SCMH1: variants seen among roughly 807,000 people sequenced by gnomAD.
The protein encoded by SCMH1 is polycomb protein SCMH1.
In SCMH1, 37 loss-of-function variants were observed where a neutral mutation model predicts 70.8. That is an observed-to-expected ratio of 0.52 (90% confidence interval 0.40 to 0.69). The LOEUF (loss-of-function observed/expected upper bound fraction) is 0.69, where lower values mean the gene tolerates loss of function less well. SCMH1 is among the 30% of genes least tolerant of loss of function. The pLI, the probability that SCMH1 is intolerant of heterozygous loss-of-function variation, is 0.00. For missense variants in SCMH1, 607 were observed against 827.3 expected (o/e 0.73, Z 3.27); for synonymous variants, 292 against 307.4 (o/e 0.95, Z 0.52).
At chr1:41,120,951 T>G (rs1671784069) in intron 6 of SCMH1, among the ~76,000 whole-genome samples, 1 of 152,244 alleles carries the variant, frequency 6.6e-6, no homozygotes, top group Non-Finnish European at 1.5e-5. Flanking sequence ...GCCAGCTCCT[T>G]GTGCTAAGCA....
chr1:41,235,055 A>G (rs1662083523), intron 1 of SCMH1, among the ~76,000 whole-genome samples: 1 of 152,158 alleles, frequency 6.6e-6, no homozygotes, highest in Non-Finnish European at 1.5e-5. Flanking sequence ...CTGGACTTAC[A>G]GGTGTGAGTT....
In SCMH1 at chr1:41,113,432, A is replaced by G. The variant is rs1234345836; in HGVS notation, c.596T>C (p.Ile199Thr). The G allele has an allele frequency of 5.0e-6, 8 of 1,614,002 alleles. No individual in the cohort carries two copies. The highest frequency in any genetic ancestry group is 2.2e-5 in the East Asian group (1 of 44,854). ...CACCTCTGAGCCCCGAACCTCCCCA[A>G]TAGTGGCTGGGCAAATGAAATGAGG... Residue 199 changes from isoleucine to threonine, a missense_variant, in exon 8 of 15, where the codon ATT becomes ACT. Physicochemically the swap from Ile to Thr is moderately conservative, Grantham distance 89. Coordinates refer to ENST00000337495, the Ensembl canonical transcript of SCMH1. The surrounding 1 kb of genome is among the most constrained non-coding windows in gnomAD (Gnocchi z 4.3).
intron 10 of SCMH1, among the ~76,000 whole-genome samples, chr1:41,052,140 G>A (rs75558225): frequency 0.056 from 8,592 of 152,288 alleles, 288 homozygotes; most frequent in Non-Finnish European, 0.069. Context: ...TAGCCTAGGA[G>A]CAATGGGCTA....
At chr1:41,150,025 A>AT (rs540481702) in intron 5 of SCMH1, among the ~76,000 whole-genome samples, 22 of 147,800 alleles carry the variant, frequency 1.5e-4, no homozygotes, top group East Asian at 5.9e-4. Flanking sequence ...CTGGACTCAC[A>AT]TTTTTTTTTT....
chr1:41,033,135 TTAGC>T (rs970125794), intron 13 of SCMH1, among the ~76,000 whole-genome samples: 2 of 151,802 alleles, frequency 1.3e-5, no homozygotes, highest in African/African-American at 4.8e-5. Flanking sequence ...CTGCAAAAAA[TTAGC>T]TAGGTGTGGT....
chr1:41,108,973 A>AT (rs1192470502), intron 8 of SCMH1, among the ~76,000 whole-genome samples: 1 of 152,052 alleles, frequency 6.6e-6, no homozygotes, highest in Non-Finnish European at 1.5e-5. Flanking sequence ...TTTCTTTCCT[A>AT]TTTTTTATCA....
intron 2 of SCMH1, among the ~76,000 whole-genome samples, chr1:41,178,112 C>T (rs879418096): frequency 1.4e-4 from 21 of 152,276 alleles, no homozygotes; most frequent in Non-Finnish European, 2.2e-4. Context: ...GAATTTTCAA[C>T]GCAGAATTTC....
chr1:41,052,929 T>TTC (rs1251489814), intron 10 of SCMH1, among the ~76,000 whole-genome samples: 2 of 150,148 alleles, frequency 1.3e-5, no homozygotes, highest in East Asian at 3.9e-4. Context: ...TTTTTTTTTT[T>TTC]TTTCTTGAGA....
chr1:41,054,414 C>T (rs1649459480), intron 10 of SCMH1, among the ~76,000 whole-genome samples: 1 of 152,164 alleles, frequency 6.6e-6, no homozygotes, highest in South Asian at 2.1e-4. Flanking sequence ...CCTCCACATA[C>T]CCCCAGGACT....
intron 8 of SCMH1, among the ~76,000 whole-genome samples, chr1:41,079,580 A>G (rs889422314): frequency 2.6e-5 from 4 of 152,210 alleles, no homozygotes; most frequent in Non-Finnish European, 5.9e-5. Context: ...TCATAGATCC[A>G]TCAGACATTG....
At chr1:41,220,950 GATTA>G (rs1448514328) in intron 1 of SCMH1, among the ~76,000 whole-genome samples, 3 of 151,918 alleles carry the variant, frequency 2.0e-5, no homozygotes, top group Non-Finnish European at 4.4e-5. Flanking sequence ...CTTTATCCTG[GATTA>G]ATTACTTAAT....
intron 11 of SCMH1, among the ~76,000 whole-genome samples, chr1:41,047,043 A>G (rs984249557): frequency 6.6e-6 from 1 of 152,194 alleles, no homozygotes; most frequent in Non-Finnish European, 1.5e-5. Flanking sequence ...GATCTACATA[A>G]GGGCACTAGA....
intron 7 of SCMH1, among the ~76,000 whole-genome samples, chr1:41,114,208 T>A (rs766178883): frequency 6.6e-6 from 1 of 152,218 alleles, no homozygotes; most frequent in Non-Finnish European, 1.5e-5. Context: ...AGGGTAGATA[T>A]ATACATCTTC....
At chr1:41,205,811 A>T (rs1655403051) in intron 1 of SCMH1, among the ~76,000 whole-genome samples, 1 of 152,224 alleles carries the variant, frequency 6.6e-6, no homozygotes. Flanking sequence ...CCCCTCTAGG[A>T]CGAAGCTTCC....
intron 13 of SCMH1, 52 bp from the exon 14 acceptor site, chr1:41,034,100 A>G: frequency 6.4e-7 from 1 of 1,564,814 alleles, no homozygotes; most frequent in Non-Finnish European, 8.7e-7. Context: ...CATGAGGAAC[A>G]TTCTGCATAT....
At chr1:41,149,123 T>G (rs1644843038) in intron 5 of SCMH1, among the ~76,000 whole-genome samples, 2 of 152,136 alleles carry the variant, frequency 1.3e-5, no homozygotes, top group African/African-American at 4.8e-5. Flanking sequence ...TTTTAGCCAT[T>G]ATTTCTTCAA....
At chr1:41,153,603 C>A (rs941099785) in intron 4 of SCMH1, among the ~76,000 whole-genome samples, 5 of 152,106 alleles carry the variant, frequency 3.3e-5, no homozygotes, top group Non-Finnish European at 4.4e-5. Context: ...AACCTCAGCC[C>A]TTTTACCACT....
chr1:41,053,739 GACCTGGGGAGC>G (rs1406074903), intron 10 of SCMH1, among the ~76,000 whole-genome samples: 2 of 152,218 alleles, frequency 1.3e-5, no homozygotes, highest in African/African-American at 2.4e-5. Flanking sequence ...ATTGGCTCTG[GACCTGGGGAGC>G]AGAAAGAAGC....
rs772524736 is a variant in SCMH1, at chr1:41,152,664, C to T, written c.107-980G>A. On this transcript the variant is annotated intron_variant, in intron 4 of 14. Transcript: ENST00000337495. ...AATCTCACAAGCTAAAACACTGTAG[C>T]AAACCAGCATTTCTTGAAGTTTCCT... The T allele has an allele frequency of 1.9e-5, 31 of 1,614,048 alleles. No individual in the cohort carries two copies. In the South Asian group the frequency reaches 3.2e-4, roughly 17 times the overall value.
Sources: gnomAD v4.1 joint callset for allele counts (sites outside exome capture counted in the v4.1 genomes callset) on GRCh38, gnomAD v4.1.1 for gene constraint, Gnocchi (gnomAD v3.1) non-coding constraint, MANE v1.5 for transcripts, NCBI Gene and HGNC (gene_info 2026-07-23, HGNC 2026-07-21) for gene names.